The following ANKH variants were observed in gnomAD, a reference collection of about 807,000 sequenced individuals.
ANKH encodes the protein mineralization regulator ANKH.
Under a neutral mutation model 49.0 loss-of-function variants are expected in ANKH, and 15 were observed. That is an observed-to-expected ratio of 0.31 (90% CI 0.20 to 0.47). The LOEUF (loss-of-function observed/expected upper bound fraction) is 0.47. Among genes scored for constraint, ANKH ranks in the 20% least tolerant of loss-of-function variants. The probability of loss-of-function intolerance (pLI) is 1.00; values close to 1 mark genes in which losing one functional copy is unlikely to be tolerated. For missense variants in ANKH, 429 were observed against 652.0 expected (o/e 0.66, Z 3.72); for synonymous variants, 273 against 260.0 (o/e 1.05, Z -0.48).
intron 2 of ANKH, 22 bp downstream of exon 2, chr5:14,768,953 C>G (rs1739335260): frequency 1.2e-6 from 2 of 1,611,624 alleles, no homozygotes. Context: ...CTAGATTCGT[C>G]AGTGGCGGTC....
chr5:14,851,754 T>C (rs929513934), intron 1 of ANKH, among the ~76,000 whole-genome samples: 5 of 152,232 alleles, frequency 3.3e-5, no homozygotes, highest in East Asian at 3.8e-4. Context: ...ACATACAAAA[T>C]TGATATGGTC....
At chr5:14,734,282 A>G (rs896465302) in intron 8 of ANKH, among the ~76,000 whole-genome samples, 8 of 148,974 alleles carry the variant, frequency 5.4e-5, no homozygotes, top group East Asian at 2.1e-4. Context: ...AAATTAGCCA[A>G]TCGGAATTAG....
chr5:14,810,978 C>T (rs1740864255), intron 1 of ANKH, among the ~76,000 whole-genome samples: 1 of 148,140 alleles, frequency 6.8e-6, no homozygotes. Flanking sequence ...ATGATTTCTA[C>T]AGGGTGCTGT....
intron 1 of ANKH, among the ~76,000 whole-genome samples, chr5:14,808,100 GTTTT>G (rs1740760299): frequency 1.3e-5 from 2 of 151,946 alleles, no homozygotes; most frequent in African/African-American, 4.8e-5. Flanking sequence ...TTTGAAAACT[GTTTT>G]TTTAATAAAC....
chr5:14,773,731 G>A (rs989060708), intron 1 of ANKH, among the ~76,000 whole-genome samples: 2 of 152,176 alleles, frequency 1.3e-5, no homozygotes, highest in African/African-American at 2.4e-5. Context: ...GTGGCTGGCT[G>A]ACAGGCGCTT....
chr5:14,742,902 C>G (rs7713729), intron 7 of ANKH, among the ~76,000 whole-genome samples: 1 of 152,220 alleles, frequency 6.6e-6, no homozygotes, highest in Admixed American at 6.5e-5. Context: ...CCCCAGACCA[C>G]GAAAACTGGC....
chr5:14,724,832 C>T (rs1737775522), intron 8 of ANKH, among the ~76,000 whole-genome samples: 2 of 152,182 alleles, frequency 1.3e-5, no homozygotes, highest in African/African-American at 4.8e-5. Flanking sequence ...CCTATGAGGG[C>T]ACTGCCAAGT....
At chr5:14,785,491 A>G (rs1739945457) in intron 1 of ANKH, among the ~76,000 whole-genome samples, 1 of 152,144 alleles carries the variant, frequency 6.6e-6, no homozygotes, top group East Asian at 1.9e-4. Context: ...AAGCTTCCTG[A>G]GGCCTCTGCA....
rs898756206 is a variant in ANKH at position 14,710,129 on chromosome 5, G to A, written c.*1068C>T. 1.3e-5 allele frequency: 2 copies of A among 152,088 alleles called. No individual in the cohort carries two copies. The highest frequency in any genetic ancestry group is 2.9e-5 in the Non-Finnish European group (2 of 67,976). The allele number at this position is 152,088 out of a possible 1,614,324, so 9.4% of individuals were successfully genotyped here. A position where few individuals can be genotyped will look rare whatever the true frequency, so the allele number is the denominator to read the frequency against. On this transcript the variant is annotated 3_prime_UTR_variant, in exon 12 of 12. Transcript: ENST00000284268. ...TCTTGCTTTATCGTATGGTGTGGGAGGGAAGTACCGTAGTACATTCTCAAT... is the reference window on the plus strand; with the variant it reads ...TCTTGCTTTATCGTATGGTGTGGGAAGGAAGTACCGTAGTACATTCTCAAT...
chr5:14,830,442 G>T (rs539152180), intron 1 of ANKH, among the ~76,000 whole-genome samples: 6 of 152,096 alleles, frequency 3.9e-5, no homozygotes, highest in African/African-American at 1.4e-4. Flanking sequence ...AGGCTGCAGT[G>T]GGGGAAGGAA....
intron 5 of ANKH, among the ~76,000 whole-genome samples, chr5:14,749,797 C>A (rs1738655915): frequency 6.6e-6 from 1 of 152,222 alleles, no homozygotes; most frequent in African/African-American, 2.4e-5. Context: ...GGTTCTTATT[C>A]TCGGAGCTCT....
At chr5:14,716,860 G>T (rs1737483380) in intron 8 of ANKH, 25 bp from the exon 9 acceptor site, 1 of 1,612,846 alleles carries the variant, frequency 6.2e-7, no homozygotes, top group Non-Finnish European at 8.5e-7. Flanking sequence ...ATCAAACAGG[G>T]TTGTGAGGAA....
At chr5:14,791,907 C>T (rs767505055) in intron 1 of ANKH, among the ~76,000 whole-genome samples, 3 of 152,182 alleles carry the variant, frequency 2.0e-5, no homozygotes, top group Non-Finnish European at 4.4e-5. Context: ...TGGTACTCTA[C>T]TAGGCAAGAA....
chr5:14,810,899 T>G (rs528258284), intron 1 of ANKH, among the ~76,000 whole-genome samples: 1 of 152,202 alleles, frequency 6.6e-6, no homozygotes, highest in Non-Finnish European at 1.5e-5. Flanking sequence ...GGTGGGATAG[T>G]GCATTCATAA....
intron 11 of ANKH, among the ~76,000 whole-genome samples, chr5:14,711,700 T>C (rs1023699093): frequency 3.3e-5 from 5 of 152,236 alleles, no homozygotes; most frequent in Admixed American, 2.6e-4. Flanking sequence ...TATCAAAATA[T>C]TCCACCTTGT....
intron 8 of ANKH, among the ~76,000 whole-genome samples, chr5:14,733,856 C>T (rs1387344364): frequency 1.3e-5 from 2 of 152,250 alleles, no homozygotes; most frequent in Admixed American, 6.5e-5. Context: ...GCTTTCTCCA[C>T]GTTGATGGCG....
intron 1 of ANKH, among the ~76,000 whole-genome samples, chr5:14,866,776 T>A (rs1367454802): frequency 6.6e-6 from 1 of 152,184 alleles, no homozygotes; most frequent in Non-Finnish European, 1.5e-5. Context: ...TTGACTTAAT[T>A]ATCTGGGTAA....
At chr5:14,716,170 C>T (rs952095879) in intron 9 of ANKH, among the ~76,000 whole-genome samples, 3 of 152,178 alleles carry the variant, frequency 2.0e-5, no homozygotes, top group Non-Finnish European at 4.4e-5. Flanking sequence ...TTCAGGTCTA[C>T]TTCCTTTTTA....
At chr5:14,730,020 C>T (rs1194432989) in intron 8 of ANKH, among the ~76,000 whole-genome samples, 1 of 152,238 alleles carries the variant, frequency 6.6e-6, no homozygotes, top group Non-Finnish European at 1.5e-5. Context: ...CTACTTCCCT[C>T]CGGCAGGCAG....
Sources: gnomAD v4.1 joint callset for allele counts (sites outside exome capture counted in the v4.1 genomes callset) on GRCh38, gnomAD v4.1.1 for gene constraint, MANE v1.5 for transcripts, NCBI Gene and HGNC (gene_info 2026-07-23, HGNC 2026-07-21) for gene names.